NELL1: variants seen among roughly 807,000 people sequenced by gnomAD.
NELL1 encodes the protein protein kinase C-binding protein NELL1.
In NELL1, 76 loss-of-function variants were observed where a neutral mutation model predicts 107.4. That is an observed-to-expected ratio of 0.71 (90% CI 0.59 to 0.86). The LOEUF is 0.86. NELL1 is among the 40% of genes least tolerant of loss of function. The probability of loss-of-function intolerance (pLI) is 0.00; values close to 1 mark genes in which losing one functional copy is unlikely to be tolerated. For synonymous variants in NELL1, 353 were observed against 341.2 expected, an observed-to-expected ratio of 1.03 and a Z score of -0.38; for missense variants, 1,024 against 1,005.5, an observed-to-expected ratio of 1.02 and a Z score of -0.25.
At chr11:20,934,248 C>T (rs1236628311) in intron 9 of NELL1, among the ~76,000 whole-genome samples, 2 of 152,132 alleles carry the variant, frequency 1.3e-5, no homozygotes. Context: ...TTCTTGTGAC[C>T]TCCAGTGGTG....
chr11:20,735,980 T>C (rs970204394), intron 2 of NELL1, among the ~76,000 whole-genome samples: 1 of 151,976 alleles, frequency 6.6e-6, no homozygotes, highest in African/African-American at 2.4e-5. Flanking sequence ...CGGGATGCCA[T>C]ATGTGAGTGA....
chr11:21,190,476 T>G (rs1400205600), intron 13 of NELL1, among the ~76,000 whole-genome samples: 2 of 151,858 alleles, frequency 1.3e-5, no homozygotes, highest in Non-Finnish European at 2.9e-5. Flanking sequence ...TGGTATTTGT[T>G]TTAGTTCCAA....
chr11:21,230,861 G>A (rs898954879), intron 14 of NELL1, among the ~76,000 whole-genome samples: 4 of 151,874 alleles, frequency 2.6e-5, no homozygotes, highest in Admixed American at 1.3e-4. Flanking sequence ...TTCAAAGTAC[G>A]TATTCTACTG....
chr11:21,170,637 C>T (rs1029334669), intron 13 of NELL1, among the ~76,000 whole-genome samples: 1 of 150,232 alleles, frequency 6.7e-6, no homozygotes, highest in Non-Finnish European at 1.5e-5. Context: ...TGTAAACATA[C>T]AAATGTGTCT....
At chr11:21,224,652 A>G (rs1346317831) in intron 13 of NELL1, among the ~76,000 whole-genome samples, 2 of 152,234 alleles carry the variant, frequency 1.3e-5, no homozygotes, top group African/African-American at 4.8e-5. Flanking sequence ...TTCTTTTAAA[A>G]TGTCTTCTTA....
intron 15 of NELL1, among the ~76,000 whole-genome samples, chr11:21,510,509 G>A (rs570376301): frequency 1.3e-5 from 2 of 152,198 alleles, no homozygotes; most frequent in East Asian, 3.9e-4. Flanking sequence ...ATAAACATTT[G>A]TTGAGAGCTG....
At chr11:20,722,617 C>T (rs1200374739) in intron 2 of NELL1, among the ~76,000 whole-genome samples, 6 of 152,138 alleles carry the variant, frequency 3.9e-5, no homozygotes, top group African/African-American at 1.4e-4. Flanking sequence ...AGCACAGTGG[C>T]AGGCTCACAG....
chr11:20,885,298 A>T (rs78655755), intron 4 of NELL1, 146 bp from the exon 5 acceptor site: 1 of 599,586 alleles, frequency 1.7e-6, no homozygotes, highest in Non-Finnish European at 3.1e-6. Flanking sequence ...AGATCTCTAC[A>T]TTCATGTTAT....
intron 16 of NELL1, among the ~76,000 whole-genome samples, chr11:21,549,204 T>C (rs1421410205): frequency 6.6e-6 from 1 of 151,878 alleles, no homozygotes; most frequent in Non-Finnish European, 1.5e-5. Flanking sequence ...TAAGTGGCAA[T>C]GATGTTGATA....
intron 19 of NELL1, 40 bp from the exon 20 acceptor site, chr11:21,574,932 C>G (rs186970838): frequency 1.4e-5 from 22 of 1,575,930 alleles, no homozygotes; most frequent in Non-Finnish European, 1.7e-6. Context: ...ATTTATATTC[C>G]ATGTCTCAAC....
Position 21,151,845 on chromosome 11 carries a change from T to G in NELL1, c.1426+38131T>G, listed in dbSNP as rs114514546. Among the ~76,000 whole-genome samples, 316 of 152,302 alleles carry G rather than the reference T, an allele frequency of 2.1e-3. 1 individual carries two copies. The highest frequency in any genetic ancestry group is 6.9e-3 in the African/African-American group (286 of 41,568). ...AAGTCAAATGAATAGCCCCAAGCAT[T>G]CACTCCATGTTGAAGTATTACACAA... On this transcript the variant is annotated intron_variant, in intron 13 of 19. Transcript: ENST00000357134.
intron 4 of NELL1, among the ~76,000 whole-genome samples, chr11:20,880,004 A>C (rs1056238816): frequency 6.6e-6 from 1 of 152,160 alleles, no homozygotes; most frequent in Non-Finnish European, 1.5e-5. Context: ...CAGATTAAAC[A>C]GCAACAGAAA....
intron 11 of NELL1, among the ~76,000 whole-genome samples, chr11:20,950,500 T>G (rs1219707936): frequency 6.6e-6 from 1 of 152,220 alleles, no homozygotes; most frequent in Admixed American, 6.5e-5. Context: ...CCTTTTCCTC[T>G]GCATTTCTGA....
intron 15 of NELL1, among the ~76,000 whole-genome samples, chr11:21,487,656 A>G (rs918375444): frequency 2.0e-5 from 3 of 152,238 alleles, no homozygotes; most frequent in Middle Eastern, 6.8e-3. Context: ...AATGAACAAT[A>G]TGACAAAAAC....
chr11:21,309,297 TATG>T (rs1477929094), intron 14 of NELL1, among the ~76,000 whole-genome samples: 3 of 79,102 alleles, frequency 3.8e-5, no homozygotes, highest in Non-Finnish European at 6.4e-5. Context: ...TATATATATA[TATG>T]TATATATATA....
intron 14 of NELL1, among the ~76,000 whole-genome samples, chr11:21,255,024 A>G (rs1858734302): frequency 6.6e-6 from 1 of 152,092 alleles, no homozygotes; most frequent in African/African-American, 2.4e-5. Flanking sequence ...AGGATGAGCT[A>G]ATTTACAGGG....
At chr11:21,437,582 C>T (rs1465367730) in intron 15 of NELL1, among the ~76,000 whole-genome samples, 14 of 152,210 alleles carry the variant, frequency 9.2e-5, no homozygotes, top group Admixed American at 1.3e-4. Flanking sequence ...TGGTCTCGAA[C>T]TCCCGACCTC....
intron 2 of NELL1, among the ~76,000 whole-genome samples, chr11:20,746,935 G>A (rs1856017101): frequency 2.6e-5 from 4 of 152,114 alleles, no homozygotes; most frequent in Admixed American, 1.3e-4. Context: ...CACTATTCCA[G>A]GCTGATAAAA....
chr11:21,108,028 T>C lies in NELL1; in HGVS notation c.1301-5561T>C, dbSNP rs1796160826. Among the ~76,000 whole-genome samples, 2 of 152,156 alleles carry C rather than the reference T, an allele frequency of 1.3e-5. 1 individual carries two copies. Among genetic ancestry groups the C allele is most frequent in the South Asian group, 4.1e-4 (2 of 4,834 alleles). On this transcript the variant is annotated intron_variant, in intron 12 of 19. Transcript: ENST00000357134. Reference sequence around the variant, plus strand: ...TAGTATCCGATGTCAATCCCTGGGATGGTTAGGAGCAATGAGATGAGAGGC... The same window carrying C: ...TAGTATCCGATGTCAATCCCTGGGACGGTTAGGAGCAATGAGATGAGAGGC...
Sources: allele counts gnomAD v4.1 joint callset (sites outside exome capture counted in the v4.1 genomes callset), GRCh38; gene constraint gnomAD v4.1.1; transcripts MANE v1.5; gene names NCBI Gene and HGNC (gene_info 2026-07-23, HGNC 2026-07-21).